The following TOPAZ1 variants were observed in gnomAD, a reference collection of about 807,000 sequenced individuals.
TOPAZ1 encodes the protein testis and ovary specific TOPAZ 1.
TOPAZ1 carries 66 observed loss-of-function variants against 172.2 expected under a neutral mutation model. That is an observed-to-expected ratio of 0.38 (90% CI 0.31 to 0.47). TOPAZ1 has a LOEUF of 0.47. Ranked by LOEUF, TOPAZ1 falls within the 20% of genes least tolerant of loss-of-function variation. TOPAZ1 has a pLI of 0.99. For missense variants in TOPAZ1, 1,822 were observed against 1,972.4 expected (o/e 0.92, Z 1.44); for synonymous variants, 681 against 683.9 (o/e 1.00, Z 0.07).
intron 7 of TOPAZ1, among the ~76,000 whole-genome samples, chr3:44,270,093 T>C (rs566889487): frequency 2.8e-4 from 42 of 152,344 alleles, no homozygotes; most frequent in African/African-American, 1.0e-3. Context: ...AATACTTTTC[T>C]GTGATGAAAG....
intron 17 of TOPAZ1, 67 bp from the exon 18 acceptor site, chr3:44,323,025 G>C: frequency 9.3e-7 from 1 of 1,076,896 alleles, no homozygotes. Context: ...AGAAAAAGGA[G>C]TATGAGATGG....
downstream of TOPAZ1, among the ~76,000 whole-genome samples, chr3:44,334,645 G>A (rs899292120): frequency 1.3e-5 from 2 of 152,186 alleles, no homozygotes; most frequent in Non-Finnish European, 2.9e-5. Context: ...AAAGGTCCAA[G>A]GAATGGGAGA....
chr3:44,321,347 A>G (rs572917971), intron 17 of TOPAZ1, among the ~76,000 whole-genome samples, 156 bp downstream of exon 17: 4 of 152,282 alleles, frequency 2.6e-5, no homozygotes, highest in East Asian at 1.9e-4. Context: ...TGCAAATTGA[A>G]TATACTTTCC....
In TOPAZ1 at chr3:44,319,413, A is replaced by C. The variant is rs75412310; in HGVS notation, c.4307-1614A>C. On this transcript the variant is annotated intron_variant, in intron 16 of 19. Coordinates refer to ENST00000309765, the MANE Select transcript of TOPAZ1 (RefSeq NM_001145030.2). ...CCTTAAATATAAAGAATAAGTATTAAAGAAAAATGATGCAATTTTTATGAG... is the reference window on the plus strand; with the variant it reads ...CCTTAAATATAAAGAATAAGTATTACAGAAAAATGATGCAATTTTTATGAG... Among the ~76,000 whole-genome samples the C allele has an allele frequency of 3.1e-3, 478 of 152,344 alleles. 11 individuals are homozygous for C. In the East Asian group the frequency reaches 0.081, roughly 26 times the overall value.
At chr3:44,262,634 C>T (rs1699787477) in intron 5 of TOPAZ1, among the ~76,000 whole-genome samples, 151 bp downstream of exon 5, 1 of 152,018 alleles carries the variant, frequency 6.6e-6, no homozygotes, top group Admixed American at 6.6e-5. Flanking sequence ...GTCAGATGTA[C>T]TCAGGTGTAA....
At chr3:44,300,473 A>G (rs1700259590) in intron 12 of TOPAZ1, among the ~76,000 whole-genome samples, 1 of 152,178 alleles carries the variant, frequency 6.6e-6, no homozygotes, top group Non-Finnish European at 1.5e-5. Context: ...AACATGTTTC[A>G]CCAATGAGGA....
intron 2 of TOPAZ1, among the ~76,000 whole-genome samples, chr3:44,254,704 G>A (rs1699675790): frequency 6.6e-6 from 1 of 150,798 alleles, no homozygotes; most frequent in South Asian, 2.1e-4. Context: ...AATTTTACAT[G>A]CTTTGTATAT....
Position 44,243,877 on chromosome 3 carries a change from T to TA in TOPAZ1, c.1373dup (p.Asn458LysfsTer2). On this transcript the variant is annotated frameshift_variant, in exon 2 of 20. Coordinates refer to ENST00000309765, the MANE Select transcript of TOPAZ1 (RefSeq NM_001145030.2). LOFTEE classifies it high-confidence loss of function. ...TGAAAAGCTTCATAGGGAAATCACC[T>TA]AATGAGTACCATATTGAAAGGAGAT... is the stretch of plus-strand genomic sequence containing the variant. The TA allele has an allele frequency of 6.4e-7, 1 of 1,551,986 alleles. No homozygotes were observed. Among genetic ancestry groups the TA allele is most frequent in the East Asian group, 2.4e-5 (1 of 40,898 alleles).
At chr3:44,278,627 ATAGT>A (rs1240905158) in intron 8 of TOPAZ1, among the ~76,000 whole-genome samples, 2 of 152,044 alleles carry the variant, frequency 1.3e-5, no homozygotes, top group Non-Finnish European at 2.9e-5. Flanking sequence ...TTTTTCATGT[ATAGT>A]TAGTTGTTCA....
In TOPAZ1 at chr3:44,251,507, T is replaced by C. The variant is rs1210398428; in HGVS notation, c.2766-3461T>C. Among the ~76,000 whole-genome samples the C allele has an allele frequency of 2.0e-5, 3 of 152,330 alleles. No homozygotes were observed. In the East Asian group the frequency reaches 5.8e-4, roughly 29 times the overall value. On this transcript the variant is annotated intron_variant, in intron 2 of 19. Coordinates refer to ENST00000309765, the MANE Select transcript of TOPAZ1 (RefSeq NM_001145030.2). Reference sequence around the variant, plus strand: ...AATCATCTTCCAGCTATTTTGCCAATTACCCACAATAAAGATCTGTTTTAT... The same window carrying C: ...AATCATCTTCCAGCTATTTTGCCAACTACCCACAATAAAGATCTGTTTTAT...
intron 9 of TOPAZ1, among the ~76,000 whole-genome samples, 171 bp downstream of exon 9, chr3:44,282,202 A>G (rs926972257): frequency 6.6e-6 from 1 of 152,234 alleles, no homozygotes; most frequent in South Asian, 2.1e-4. Flanking sequence ...TAATAAAAAA[A>G]TGATAATCTA....
At chr3:44,290,405 GC>G (rs1700123577) in intron 11 of TOPAZ1, among the ~76,000 whole-genome samples, 1 of 152,018 alleles carries the variant, frequency 6.6e-6, no homozygotes, top group Admixed American at 6.6e-5. Flanking sequence ...TTCTTCTCTG[GC>G]CATGGCCCTA....
intron 5 of TOPAZ1, 87 bp from the exon 6 acceptor site, chr3:44,266,910 A>T: frequency 9.7e-7 from 1 of 1,027,876 alleles, no homozygotes; most frequent in Non-Finnish European, 1.3e-6. Flanking sequence ...AAATTTTTTT[A>T]AAAAGAAATA....
chr3:44,289,479 A>C (rs1442903091), intron 11 of TOPAZ1, among the ~76,000 whole-genome samples: 1 of 145,948 alleles, frequency 6.9e-6, no homozygotes, highest in Non-Finnish European at 1.6e-5. Context: ...TCATTTTTAC[A>C]GGATTTTTTT....
intron 12 of TOPAZ1, among the ~76,000 whole-genome samples, chr3:44,294,258 A>C (rs1016357553): frequency 6.6e-6 from 1 of 151,944 alleles, no homozygotes; most frequent in African/African-American, 2.4e-5. Context: ...AAAGACATAT[A>C]GCCATCAAAC....
chr3:44,334,938 A>C (rs535825898), downstream of TOPAZ1, among the ~76,000 whole-genome samples: 2 of 152,208 alleles, frequency 1.3e-5, no homozygotes, highest in African/African-American at 4.8e-5. Flanking sequence ...AGTTTTTGCG[A>C]TTGTGAGGGA....
intron 12 of TOPAZ1, among the ~76,000 whole-genome samples, chr3:44,297,875 T>G (rs556099357): frequency 1.2e-4 from 18 of 152,230 alleles, no homozygotes; most frequent in African/African-American, 4.1e-4. Flanking sequence ...TAAAACAATA[T>G]AATTTACAAT....
In TOPAZ1 at chr3:44,245,200, T is replaced by A. The variant is rs1402682395; in HGVS notation, c.2694T>A (p.Ala898=). Residue 898 remains alanine (A), a synonymous_variant, in exon 2 of 20, where the codon GCT becomes GCA. Transcript: ENST00000309765. ...AGATAAGCCAGGAGCCCAATGTTGC[T>A]GGAGAGCACCAATCAACAGACTCCA... ...VPKISQEPNV[A]GEHQSTDSKY... 1 of 1,551,606 alleles carries A rather than the reference T, an allele frequency of 6.4e-7. No homozygotes were observed.
In TOPAZ1 at chr3:44,244,389, A is replaced by G. The variant is rs557490730; in HGVS notation, c.1883A>G (p.Asn628Ser). The part of the protein sequence containing the change: ...LTSETQSLTG[N>S]KKKARGNLTK... Reference sequence around the variant, plus strand: ...AGTGAGACTCAAAGCTTAACGGGAAATAAAAAAAAAGCTAGAGGAAATTTA... The same window carrying G: ...AGTGAGACTCAAAGCTTAACGGGAAGTAAAAAAAAAGCTAGAGGAAATTTA... The change falls in exon 2 of 20, where the codon AAT (asparagine) becomes AGT (serine). Residue 628 changes from asparagine to serine, a missense_variant. By Grantham distance (46) the Asn-to-Ser change is conservative. Coordinates refer to ENST00000309765, the MANE Select transcript of TOPAZ1 (RefSeq NM_001145030.2). 2.8e-5 allele frequency: 43 copies of G among 1,551,160 alleles called. No individual in the cohort carries two copies. Among genetic ancestry groups the G allele is most frequent in the Non-Finnish European group, 3.3e-5 (38 of 1,146,840 alleles).
Sources: allele counts gnomAD v4.1 joint callset (sites outside exome capture counted in the v4.1 genomes callset), GRCh38; gene constraint gnomAD v4.1.1; transcripts MANE v1.5; gene names NCBI Gene and HGNC (gene_info 2026-07-23, HGNC 2026-07-21).